TPM3: variants seen among roughly 807,000 people sequenced by gnomAD.
The protein encoded by TPM3 is tropomyosin 3.
In TPM3, 16 loss-of-function variants were observed where a neutral mutation model predicts 43.1. That is an observed-to-expected ratio of 0.37 (90% CI 0.25 to 0.56). TPM3 has a LOEUF of 0.56. Ranked by LOEUF, TPM3 falls within the 20% of genes least tolerant of loss-of-function variation. TPM3 has a pLI of 0.77. For synonymous variants in TPM3, 101 were observed against 116.9 expected (o/e 0.86, Z 0.88); for missense variants, 176 against 337.2 (o/e 0.52, Z 3.74).
At chr1:154,176,332 C>T in intron 2 of TPM3, 84 bp from the exon 3 acceptor site, 1 of 1,601,896 alleles carries the variant, frequency 6.2e-7, no homozygotes, top group Non-Finnish European at 8.5e-7. Flanking sequence ...TCAGGGTTGA[C>T]TACCATGAAA....
chr1:154,170,422 T>C lies in TPM3; in HGVS notation c.753A>G (p.Glu251=). Reference sequence around the variant, plus strand: ...TACCTTCCAGGTCATCAATTGTCTTTTCCAGCTTGGCTACCGATCTCTCAG... The same window carrying C: ...TACCTTCCAGGTCATCAATTGTCTTCTCCAGCTTGGCTACCGATCTCTCAG... ...EFAERSVAKL[E]KTIDDLEDEL... Residue 251 remains glutamate, a synonymous_variant, in exon 8 of 10, where the codon GAA becomes GAG. Transcript: ENST00000651641. 1.2e-6 allele frequency: 2 copies of C among 1,614,190 alleles called. No homozygotes were observed. The highest frequency in any genetic ancestry group is 3.3e-5 in the Admixed American group (2 of 60,018).
At chr1:154,168,998 G>A (rs893510562) in intron 9 of TPM3, among the ~76,000 whole-genome samples, 2 of 150,504 alleles carry the variant, frequency 1.3e-5, no homozygotes, top group African/African-American at 4.9e-5. Flanking sequence ...ACCATGCCTG[G>A]CTACTTTTTG....
Position 154,174,407 on chromosome 1 carries a change from T to TACACACACACACAC in TPM3, c.378-1207_378-1206insGTGTGTGTGTGTGT, listed in dbSNP as rs1553249401. 6.9e-5 allele frequency among the ~76,000 whole-genome samples: 5 copies of TACACACACACACAC among 72,694 alleles called. 1 individual carries two copies. The highest frequency in any genetic ancestry group is 2.5e-4 in the African/African-American group (5 of 19,988). The allele number at this position is 72,694 out of a possible 152,430, so 47.7% of individuals were successfully genotyped here. Reference sequence around the variant, plus strand: ...ATATATATATATATATATATATATATACACACAAAAATCCCATCCCAGCTT... The same window carrying TACACACACACACAC: ...ATATATATATATATATATATATATATACACACACACACACACACACAAAAATCCCATCCCAGCTT... On this transcript the variant is annotated intron_variant, in intron 3 of 9. Coordinates refer to ENST00000651641, the MANE Select transcript of TPM3 (RefSeq NM_152263.4).
chr1:154,183,994 G>T (rs1347435479), intron 2 of TPM3, among the ~76,000 whole-genome samples: 1 of 151,136 alleles, frequency 6.6e-6, no homozygotes, highest in Non-Finnish European at 1.5e-5. Context: ...GGTGTAGCTG[G>T]GACTACAGGT....
intron 2 of TPM3, chr1:154,187,498 A>C: frequency 1.0e-6 from 1 of 984,690 alleles, no homozygotes; most frequent in Non-Finnish European, 1.2e-6. Flanking sequence ...TTACATATTT[A>C]AATGGGTTTT....
chr1:154,173,309 G>T, intron 3 of TPM3, 108 bp from the exon 4 acceptor site: 1 of 889,218 alleles, frequency 1.1e-6, no homozygotes, highest in South Asian at 1.3e-5. Flanking sequence ...CTCTCTGTCT[G>T]CCCCTCAAAT....
chr1:154,169,624 A>G (rs1026817401), intron 8 of TPM3: 10 of 584,376 alleles, frequency 1.7e-5, no homozygotes, highest in Non-Finnish European at 2.7e-5. Flanking sequence ...ACCTGGGCAC[A>G]GTCATAACTA....
chr1:154,173,244 T>C (rs781127637), intron 3 of TPM3, 43 bp from the exon 4 acceptor site: 2 of 1,526,820 alleles, frequency 1.3e-6, no homozygotes, highest in African/African-American at 1.4e-5. Flanking sequence ...CCCTGAGGAG[T>C]GTGTCGTCAG....
At chr1:154,177,442 C>A (rs1378955130) in intron 2 of TPM3, among the ~76,000 whole-genome samples, 1 of 152,048 alleles carries the variant, frequency 6.6e-6, no homozygotes, top group African/African-American at 2.4e-5. Context: ...GATGGGTTTT[C>A]TCTAAGAAAC....
At chr1:154,183,343 T>A in intron 2 of TPM3, 3 of 1,433,936 alleles carry the variant, frequency 2.1e-6, no homozygotes, top group Non-Finnish European at 2.8e-6. Context: ...CCAGTCGCCC[T>A]GGAGTACGGC....
chr1:154,174,368 GTATATATATATATATATATATATA>G (rs34224787), intron 3 of TPM3, among the ~76,000 whole-genome samples: 1,454 of 46,388 alleles, frequency 0.031, 137 homozygotes, highest in Middle Eastern at 0.12. Flanking sequence ...AAATATATGT[GTATATATATATATATATATATATA>G]TATATATATA....
At chr1:154,169,271 A>C (rs1661318833) in intron 9 of TPM3, 34 bp downstream of exon 9, 1 of 1,611,616 alleles carries the variant, frequency 6.2e-7, no homozygotes, top group Admixed American at 1.7e-5. Flanking sequence ...CCACAAGCCA[A>C]GATCCCAGCC....
chr1:154,172,228 A>C (rs775071165), intron 5 of TPM3: 86 of 920,932 alleles, frequency 9.3e-5, no homozygotes, highest in Non-Finnish European at 1.4e-4. Context: ...TGGGAAGAGA[A>C]CACCACCATG....
downstream of TPM3, chr1:154,159,138 A>T: frequency 1.3e-6 from 1 of 740,984 alleles, no homozygotes; most frequent in South Asian, 1.4e-5. Flanking sequence ...GTAGAGTACC[A>T]GAAGTAAATT....
Position 154,192,082 on chromosome 1 carries a change from A to C in TPM3, c.-64T>G. The C allele has an allele frequency of 7.0e-7, 1 of 1,423,940 alleles. No individual in the cohort carries two copies. Among genetic ancestry groups the C allele is most frequent in the South Asian group, 1.1e-5 (1 of 87,068 alleles). The allele number at this position is 1,423,940 out of a possible 1,614,324, so 88.2% of individuals were successfully genotyped here. A position where few individuals can be genotyped will look rare whatever the true frequency, so the allele number is the denominator to read the frequency against. ...AGAACTGGAGACTGGGGCAAGAAAG[A>C]AGGGGCTGCTGCCTGAGTGACCAGG... On this transcript the variant is annotated 5_prime_UTR_variant, in exon 1 of 10. Transcript: ENST00000651641.
At chr1:154,182,721 G>A (rs1663098701) in intron 2 of TPM3, among the ~76,000 whole-genome samples, 1 of 151,982 alleles carries the variant, frequency 6.6e-6, no homozygotes, top group Non-Finnish European at 1.5e-5. Flanking sequence ...TGAATGAGGT[G>A]GAGAAAAAAA....
At chr1:154,191,403 C>T in intron 1 of TPM3, 92 bp from the exon 2 acceptor site, 1 of 1,588,334 alleles carries the variant, frequency 6.3e-7, no homozygotes, top group South Asian at 1.1e-5. Flanking sequence ...GTGTAACCTC[C>T]ATGTTACCAT....
At position 154,176,231 on chromosome 1, in the gene TPM3, G is replaced by C; in HGVS notation, c.261C>G (p.Ala87=). The change falls in exon 3 of 10, where the codon GCC becomes GCG. Residue 87 remains alanine, a synonymous_variant. Coordinates refer to ENST00000651641, the MANE Select transcript of TPM3 (RefSeq NM_152263.4). The part of the protein sequence containing the change: ...KKAADAEAEV[A]SLNRRIQLVE... ...CCAGCTGGATCCTACGGTTCAAGGA[G>C]GCCACCTCAGCCTCAGCCTGCATTT... The C allele has an allele frequency of 6.2e-7, 1 of 1,614,146 alleles. No homozygotes were observed. Among genetic ancestry groups the C allele is most frequent in the Non-Finnish European group, 8.5e-7 (1 of 1,180,034 alleles).
intron 5 of TPM3, 30 bp from the exon 6 acceptor site, chr1:154,171,518 GA>G: frequency 6.2e-7 from 1 of 1,607,276 alleles, no homozygotes; most frequent in South Asian, 1.1e-5. Flanking sequence ...CACAGGAGAG[GA>G]AAAGGGAAAA....
Sources: gnomAD v4.1 joint callset for allele counts (sites outside exome capture counted in the v4.1 genomes callset) on GRCh38, gnomAD v4.1.1 for gene constraint, MANE v1.5 for transcripts, NCBI Gene and HGNC (gene_info 2026-07-23, HGNC 2026-07-21) for gene names.